The following PALLD variants were observed in gnomAD, a reference collection of about 807,000 sequenced individuals.
PALLD encodes palladin, cytoskeletal associated protein, also known as palladin.
A neutral mutation model predicts 123.5 loss-of-function variants in PALLD; 61 were observed. The observed-to-expected ratio is 0.49, with a 90% CI of 0.40 to 0.61. PALLD has a LOEUF of 0.61. Among genes scored for constraint, PALLD ranks in the 20% least tolerant of loss-of-function variants. The pLI, the probability that PALLD is intolerant of heterozygous loss-of-function variation, is 0.00. For missense variants in PALLD, 1,273 were observed against 1,377.0 expected (o/e 0.92, Z 1.20); for synonymous variants, 465 against 496.4 (o/e 0.94, Z 0.84).
chr4:168,827,584 A>G (rs1012748228), intron 10 of PALLD, among the ~76,000 whole-genome samples: 47 of 152,386 alleles, frequency 3.1e-4, no homozygotes, highest in Non-Finnish European at 2.8e-4. Context: ...AAGCAATATC[A>G]GGTAAAATCT....
chr4:168,805,640 A>G (rs1205605738), intron 10 of PALLD, among the ~76,000 whole-genome samples: 1 of 151,982 alleles, frequency 6.6e-6, no homozygotes. Context: ...AAACTCGTAC[A>G]TGCTTATCCT....
At chr4:168,774,408 C>T (rs868220645) in intron 10 of PALLD, among the ~76,000 whole-genome samples, 78 of 152,112 alleles carry the variant, frequency 5.1e-4, no homozygotes, top group African/African-American at 1.8e-3. Flanking sequence ...TATGTACATG[C>T]CCTTGGAAGC....
At chr4:168,609,646 G>A (rs185554695) in intron 2 of PALLD, among the ~76,000 whole-genome samples, 39 of 152,336 alleles carry the variant, frequency 2.6e-4, no homozygotes, top group South Asian at 8.3e-4. Flanking sequence ...CTTAGTGGAT[G>A]TGGGCTGTCA....
intron 2 of PALLD, among the ~76,000 whole-genome samples, chr4:168,649,422 G>A (rs1026294642): frequency 6.6e-5 from 10 of 152,160 alleles, no homozygotes; most frequent in Non-Finnish European, 1.0e-4. Flanking sequence ...AGAAACAAAG[G>A]CCAATATTAT....
At chr4:168,843,311 G>A (rs530023457) in intron 10 of PALLD, among the ~76,000 whole-genome samples, 2 of 152,242 alleles carry the variant, frequency 1.3e-5, no homozygotes, top group East Asian at 3.9e-4. Flanking sequence ...CAAAATCACA[G>A]GCTCCACCTG....
chr4:168,919,065 C>T (rs1430668952), intron 17 of PALLD, among the ~76,000 whole-genome samples: 1 of 152,118 alleles, frequency 6.6e-6, no homozygotes, highest in Admixed American at 6.5e-5. Flanking sequence ...ACTTACCATA[C>T]TGGTTATCTC....
chr4:168,761,481 A>T (rs368818374), intron 10 of PALLD, among the ~76,000 whole-genome samples: 1 of 151,818 alleles, frequency 6.6e-6, no homozygotes, highest in Admixed American at 6.6e-5. Flanking sequence ...TTTTTTTCTG[A>T]GACGAGTCTC....
intron 10 of PALLD, among the ~76,000 whole-genome samples, chr4:168,859,665 C>T (rs1334234566): frequency 3.3e-5 from 5 of 152,144 alleles, no homozygotes; most frequent in Non-Finnish European, 7.3e-5. Context: ...TGTATAATTC[C>T]TGTTCAGTAG....
intron 10 of PALLD, among the ~76,000 whole-genome samples, chr4:168,840,087 A>G (rs188015222): frequency 1.3e-5 from 2 of 152,132 alleles, no homozygotes; most frequent in Non-Finnish European, 2.9e-5. Flanking sequence ...AAATGGATGT[A>G]TTTGTGTGGA....
intron 10 of PALLD, among the ~76,000 whole-genome samples, chr4:168,796,742 C>A (rs572144175): frequency 6.6e-6 from 1 of 152,266 alleles, no homozygotes; most frequent in South Asian, 2.1e-4. Context: ...GAAATGAGAT[C>A]ATAGAATTTC....
intron 2 of PALLD, among the ~76,000 whole-genome samples, chr4:168,576,076 A>G (rs1023323417): frequency 2.0e-5 from 3 of 152,156 alleles, no homozygotes; most frequent in Admixed American, 1.3e-4. Context: ...AATTGTCTAA[A>G]ACATATGTGA....
chr4:168,794,324 T>C (rs1738089940), intron 10 of PALLD, among the ~76,000 whole-genome samples: 1 of 152,152 alleles, frequency 6.6e-6, no homozygotes, highest in Non-Finnish European at 1.5e-5. Context: ...ACTCAGGCCC[T>C]CTAAGGGGTC....
intron 10 of PALLD, among the ~76,000 whole-genome samples, chr4:168,823,532 A>ATT (rs398108296): frequency 6.6e-6 from 1 of 152,030 alleles, no homozygotes; most frequent in Non-Finnish European, 1.5e-5. Context: ...ATAGAAAAAA[A>ATT]TTAGCCACGG....
In PALLD at chr4:168,807,607, C is replaced by T. The variant is rs1218388714; in HGVS notation, c.1965-83315C>T. Among the ~76,000 whole-genome samples the T allele has an allele frequency of 2.6e-5, 4 of 151,848 alleles. No homozygotes were observed. The East Asian group carries it at 7.7e-4, about 29-fold the overall frequency. On this transcript the variant is annotated intron_variant, in intron 10 of 21. Coordinates refer to ENST00000505667, the MANE Select transcript of PALLD (RefSeq NM_001166108.2). ...TATTTTTAATAGAGACATGGTTTCTCCATGTTGGTCAGGCTGGTCTCAAAC... is the reference window on the plus strand; with the variant it reads ...TATTTTTAATAGAGACATGGTTTCTTCATGTTGGTCAGGCTGGTCTCAAAC...
chr4:168,774,126 T>C (rs1277741297), intron 10 of PALLD, among the ~76,000 whole-genome samples: 1 of 151,568 alleles, frequency 6.6e-6, no homozygotes, highest in African/African-American at 2.4e-5. Flanking sequence ...ATAAAACAGA[T>C]TCAGAAAACT....
intron 10 of PALLD, among the ~76,000 whole-genome samples, chr4:168,762,189 C>T (rs1733036685): frequency 6.6e-6 from 1 of 152,144 alleles, no homozygotes; most frequent in Non-Finnish European, 1.5e-5. Context: ...AAATGCCATT[C>T]TCGGCTGGGC....
In PALLD at chr4:168,600,719, C is replaced by A. The variant is rs77409315; in HGVS notation, c.909-67471C>A. The stretch of plus-strand genomic sequence containing the variant: ...ATTTTAGTATATTTTGTTCAAAAAT[C>A]AGAATAGTTTTATATTGGGGGGCAG... On this transcript the variant is annotated intron_variant, in intron 2 of 21. Coordinates refer to ENST00000505667, the MANE Select transcript of PALLD (RefSeq NM_001166108.2). Among the ~76,000 whole-genome samples, 120 of 152,044 alleles carry A rather than the reference C, an allele frequency of 7.9e-4. 2 individuals are homozygous for A. The East Asian group carries it at 0.019, about 24-fold the overall frequency.
chr4:168,666,169 G>C (rs1779629970), intron 2 of PALLD, among the ~76,000 whole-genome samples: 1 of 152,124 alleles, frequency 6.6e-6, no homozygotes, highest in Non-Finnish European at 1.5e-5. Context: ...TAGTCACTTA[G>C]GTAGTTGGCA....
rs890417467 is a variant in PALLD, at chr4:168,632,202, TA to T, written c.909-35980del. Among the ~76,000 whole-genome samples the T allele has an allele frequency of 8.2e-4, 125 of 151,554 alleles. 1 individual carries two copies. Among genetic ancestry groups the T allele is most frequent in the Non-Finnish European group, 1.5e-3 (102 of 67,822 alleles). On this transcript the variant is annotated intron_variant, in intron 2 of 21. Coordinates refer to ENST00000505667, the MANE Select transcript of PALLD (RefSeq NM_001166108.2). The stretch of plus-strand genomic sequence containing the variant: ...CCACCTCACCCTTTTTTTTTTCCAT[TA>T]AAAAAAATGATACTTTTAGAGAAGC...
Sources: gnomAD v4.1 joint callset for allele counts (sites outside exome capture counted in the v4.1 genomes callset) on GRCh38, gnomAD v4.1.1 for gene constraint, MANE v1.5 for transcripts, NCBI Gene and HGNC (gene_info 2026-07-23, HGNC 2026-07-21) for gene names.